SENP6: variants seen among roughly 807,000 people sequenced by gnomAD.
The protein encoded by SENP6 is SUMO specific peptidase 6.
In SENP6, 41 loss-of-function variants were observed where a neutral mutation model predicts 134.5. The ratio of observed to expected loss-of-function variants is 0.30; its 90% CI spans 0.24 to 0.40. The LOEUF (loss-of-function observed/expected upper bound fraction) is 0.40, where lower values mean the gene tolerates loss of function less well. Among genes scored for constraint, SENP6 ranks in the 10% least tolerant of loss-of-function variants. SENP6 has a pLI of 1.00. For synonymous variants in SENP6, 395 were observed against 429.8 expected, an observed-to-expected ratio of 0.92 and a Z score of 1.00; for missense variants, 1,248 against 1,312.5, an observed-to-expected ratio of 0.95 and a Z score of 0.76.
In SENP6 at chr6:75,626,673, T is replaced by G. The variant is rs143706464; in HGVS notation, c.207+2713T>G. Among the ~76,000 whole-genome samples, 703 of 152,280 alleles carry G rather than the reference T, an allele frequency of 4.6e-3. 17 individuals carry two copies. The highest frequency in any genetic ancestry group is 0.039 in the Admixed American group (601 of 15,290). On this transcript the variant is annotated intron_variant, in intron 3 of 23. Transcript: ENST00000447266. ...AGATTCCTAGAATTGAAGTTGCTAT[T>G]TCAGAGGTGAAATTCACATGTAGTT...
chr6:75,705,171 A>G (rs938879374), intron 19 of SENP6, among the ~76,000 whole-genome samples: 20 of 152,120 alleles, frequency 1.3e-4, no homozygotes, highest in African/African-American at 4.6e-4. Context: ...CACTGGTCCA[A>G]TCTTTGTTTG....
At chr6:75,645,589 C>T (rs1013296634) in intron 6 of SENP6, among the ~76,000 whole-genome samples, 4 of 152,122 alleles carry the variant, frequency 2.6e-5, no homozygotes, top group Non-Finnish European at 5.9e-5. Context: ...CTACTGTTCT[C>T]CAGCCTGGTG....
intron 3 of SENP6, among the ~76,000 whole-genome samples, chr6:75,628,650 C>T (rs1768878448): frequency 6.6e-6 from 1 of 151,994 alleles, no homozygotes; most frequent in African/African-American, 2.4e-5. Flanking sequence ...TGTTAGATAC[C>T]AGTGCTGACA....
chr6:75,717,528 G>A lies in SENP6; in HGVS notation c.*1934G>A, dbSNP rs959791699. The A allele has an allele frequency of 6.6e-6, 1 of 152,038 alleles. No homozygotes were observed. The allele number at this position is 152,038 out of a possible 1,614,324, so 9.4% of individuals were successfully genotyped here. ...TTTGATGGCATTTTTCCCACCCCAT[G>A]TGAAATTTTATTTTTGGAAGTTATG... On this transcript the variant is annotated 3_prime_UTR_variant, in exon 24 of 24. Transcript: ENST00000447266.
chr6:75,634,694 C>G lies in SENP6; in HGVS notation c.354-13C>G, dbSNP rs757812298. 9 of 1,459,742 alleles carry G rather than the reference C, an allele frequency of 6.2e-6. No individual in the cohort carries two copies. Among genetic ancestry groups the G allele is most frequent in the Non-Finnish European group, 7.4e-6 (8 of 1,077,202 alleles). 90.4% of individuals were successfully genotyped at this position (1,459,742 alleles called of 1,614,324 possible). On this transcript the variant is annotated splice_polypyrimidine_tract_variant and intron_variant, in intron 4 of 23. Coordinates refer to ENST00000447266, the MANE Select transcript of SENP6 (RefSeq NM_015571.4). ...TCCGTGTTCAAGTTATTTTTTGTTTCTTGAATCTGCAGTGAAAATACGCAA... is the reference window on the plus strand; with the variant it reads ...TCCGTGTTCAAGTTATTTTTTGTTTGTTGAATCTGCAGTGAAAATACGCAA...
chr6:75,623,830 T>C, intron 2 of SENP6, 70 bp from the exon 3 acceptor site: 1 of 1,382,172 alleles, frequency 7.2e-7, no homozygotes, highest in Non-Finnish European at 1.0e-6. Context: ...ACATAGAGGA[T>C]AAAACCTCAG....
Position 75,623,396 on chromosome 6 carries a change from G to C in SENP6, c.147-504G>C, listed in dbSNP as rs919299556. The stretch of plus-strand genomic sequence containing the variant: ...TCAGGCCGGTGATTTCTCAATGAAG[G>C]GTTGATATTTTCAAGAGTGGTAGAA... On this transcript the variant is annotated intron_variant, in intron 2 of 23. Transcript: ENST00000447266. Among the ~76,000 whole-genome samples, 3 of 151,970 alleles carry C rather than the reference G, an allele frequency of 2.0e-5. No homozygotes were observed. In the South Asian group the frequency reaches 6.2e-4, roughly 32 times the overall value.
chr6:75,673,339 T>TTTTTG (rs1444384669), intron 11 of SENP6, among the ~76,000 whole-genome samples: 1 of 148,876 alleles, frequency 6.7e-6, no homozygotes, highest in Non-Finnish European at 1.5e-5. Flanking sequence ...TTTTTTTTTT[T>TTTTTG]GAGACCGAGT....
Position 75,604,718 on chromosome 6 carries a change from A to G in SENP6, c.52+2142A>G, listed in dbSNP as rs1766900862. ...GAATCTTTCCAAATAAATGATATTT[A>G]ATACTAATGTTTTCTGCTTATTTCC... On this transcript the variant is annotated intron_variant, in intron 1 of 23. Transcript: ENST00000447266. Among the ~76,000 whole-genome samples, 5 of 152,050 alleles carry G rather than the reference A, an allele frequency of 3.3e-5. No individual in the cohort carries two copies. In the South Asian group the frequency reaches 1.0e-3, roughly 31 times the overall value.
intron 1 of SENP6, among the ~76,000 whole-genome samples, chr6:75,615,196 GGTTT>G (rs1767760245): frequency 6.6e-6 from 1 of 151,408 alleles, no homozygotes; most frequent in African/African-American, 2.4e-5. Flanking sequence ...GGTTTGTTTT[GGTTT>G]GTTTGAGTCT....
chr6:75,647,982 C>T (rs1770587897), intron 7 of SENP6, among the ~76,000 whole-genome samples, 181 bp downstream of exon 7: 1 of 152,092 alleles, frequency 6.6e-6, no homozygotes, highest in Non-Finnish European at 1.5e-5. Flanking sequence ...GGAACAGTTG[C>T]ACAGTTAGGT....
At chr6:75,704,821 T>C (rs1775283556) in intron 19 of SENP6, among the ~76,000 whole-genome samples, 1 of 152,198 alleles carries the variant, frequency 6.6e-6, no homozygotes, top group African/African-American at 2.4e-5. Context: ...GACTAGAGAA[T>C]GGTGATGACT....
rs375242004 is a variant in SENP6 at position 75,653,528 on chromosome 6, G to A, written c.550+5727G>A. Among the ~76,000 whole-genome samples, 21 of 152,088 alleles carry A rather than the reference G, an allele frequency of 1.4e-4. No individual in the cohort carries two copies. The East Asian group carries it at 1.9e-3, about 14-fold the overall frequency. ...ACATGTACATCATTTTTATTTAACA[G>A]CATTATTTTATTAATTAACCTTGTT... On this transcript the variant is annotated intron_variant, in intron 7 of 23. Coordinates refer to ENST00000447266, the MANE Select transcript of SENP6 (RefSeq NM_015571.4).
At chr6:75,694,113 T>C (rs1407585872) in intron 16 of SENP6, among the ~76,000 whole-genome samples, 1 of 152,094 alleles carries the variant, frequency 6.6e-6, no homozygotes, top group Non-Finnish European at 1.5e-5. Flanking sequence ...AAAATTAGCC[T>C]GGCATGGTGG....
At chr6:75,634,848 G>C in intron 5 of SENP6, 37 bp downstream of exon 5, 1 of 1,326,162 alleles carries the variant, frequency 7.5e-7, no homozygotes, top group Non-Finnish European at 1.1e-6. Context: ...GTATATACAT[G>C]GCATCTTCTT....
rs531303803 is a variant in SENP6 at position 75,641,653 on chromosome 6, A to G, written c.479+949A>G. Among the ~76,000 whole-genome samples the G allele has an allele frequency of 2.6e-5, 4 of 152,328 alleles. No individual in the cohort carries two copies. The East Asian group carries it at 5.8e-4, about 22-fold the overall frequency. On this transcript the variant is annotated intron_variant, in intron 6 of 23. Coordinates refer to ENST00000447266, the MANE Select transcript of SENP6 (RefSeq NM_015571.4). ...ATTTCTTTGAACATTTCAAAGTAAA[A>G]TGATCATAATTGTTCTAAAGTGGGT... is the stretch of plus-strand genomic sequence containing the variant.
At chr6:75,617,302 TC>T (rs1233530731) in intron 1 of SENP6, among the ~76,000 whole-genome samples, 1 of 136,576 alleles carries the variant, frequency 7.3e-6, no homozygotes, top group African/African-American at 2.9e-5. Context: ...AGACGGAGTT[TC>T]GCTCTTGTTG....
chr6:75,613,286 G>T (rs184646634), intron 1 of SENP6, among the ~76,000 whole-genome samples: 1 of 152,098 alleles, frequency 6.6e-6, no homozygotes, highest in Non-Finnish European at 1.5e-5. Context: ...AAATGTCACT[G>T]CCCTTAAATA....
At chr6:75,656,586 A>G (rs1227148256) in intron 7 of SENP6, among the ~76,000 whole-genome samples, 1 of 152,160 alleles carries the variant, frequency 6.6e-6, no homozygotes, top group Admixed American at 6.6e-5. Flanking sequence ...AAATCTTCTC[A>G]AGTGTTTTTC....
Sources: allele counts gnomAD v4.1 joint callset (sites outside exome capture counted in the v4.1 genomes callset), GRCh38; gene constraint gnomAD v4.1.1; transcripts MANE v1.5; gene names NCBI Gene and HGNC (gene_info 2026-07-23, HGNC 2026-07-21).